Variants in CPZ observed in about 807,000 individuals in gnomAD.
The protein encoded by CPZ is VEZT/CPZ fusion.
Under a neutral mutation model 61.8 loss-of-function variants are expected in CPZ, and 103 were observed. The ratio of observed to expected loss-of-function variants is 1.67; its 90% CI spans 1.42 to 1.96. The LOEUF is 1.96. CPZ is among the 30% of genes most tolerant of loss of function. The pLI is 0.00. For missense variants in CPZ, 1,461 were observed against 914.9 expected, an observed-to-expected ratio of 1.60 and a Z score of -7.70; for synonymous variants, 551 against 373.7, an observed-to-expected ratio of 1.47 and a Z score of -5.47.
At chr4:8,611,072 TCATTCATTCGCTCATTCA>T in intron 7 of CPZ, 1 of 361,394 alleles carries the variant, frequency 2.8e-6, no homozygotes, top group Non-Finnish European at 5.9e-6. Context: ...ACTCATTCAC[TCATTCATTCGCTCATTCA>T]CTCACTCACT....
At chr4:8,597,167 A>G (rs1197118963) in intron 1 of CPZ, among the ~76,000 whole-genome samples, 1 of 152,128 alleles carries the variant, frequency 6.6e-6, no homozygotes, top group Non-Finnish European at 1.5e-5. Flanking sequence ...CCCTGCTGCC[A>G]GAGTGGCCCC....
intron 7 of CPZ, among the ~76,000 whole-genome samples, chr4:8,609,276 CACACTAAT>C (rs1715428216): frequency 1.6e-5 from 2 of 123,162 alleles, no homozygotes; most frequent in African/African-American, 3.6e-5. Context: ...TATTCATTCA[CACACTAAT>C]TTTCTCAGTC....
In CPZ at chr4:8,619,520, C is replaced by A. The variant is rs201930593; in HGVS notation, c.1862C>A (p.Ala621Glu). ...GEATEPDPLRARRQPSADGSK... is the reference protein window; with the variant it reads ...GEATEPDPLRERRQPSADGSK... ...GCCACGGAGCCCGACCCGCTCCGGGCGCGCAGGCAGCCCTCGGCCGACGGG... is the reference window on the plus strand; with the variant it reads ...GCCACGGAGCCCGACCCGCTCCGGGAGCGCAGGCAGCCCTCGGCCGACGGG... Residue 621 changes from alanine to glutamate, a missense_variant, in exon 11 of 11, where the codon GCG (alanine) becomes GAG (glutamate). Transcript: ENST00000360986. 2 of 1,594,002 alleles carry A rather than the reference C, an allele frequency of 1.3e-6. No individual in the cohort carries two copies. Among genetic ancestry groups the A allele is most frequent in the Non-Finnish European group, 1.7e-6 (2 of 1,168,672 alleles).
intron 8 of CPZ, among the ~76,000 whole-genome samples, chr4:8,612,708 C>T (rs1715819783): frequency 6.6e-6 from 1 of 152,178 alleles, no homozygotes; most frequent in African/African-American, 2.4e-5. Flanking sequence ...GGGCATATGC[C>T]ACTGTGTGTC....
At chr4:8,609,554 C>A (rs1350780969) in intron 7 of CPZ, among the ~76,000 whole-genome samples, 1 of 140,018 alleles carries the variant, frequency 7.1e-6, no homozygotes, top group African/African-American at 3.3e-5. Context: ...CTGGCCTGGC[C>A]TTGCACCCCT....
chr4:8,610,896 C>T (rs114102415), intron 7 of CPZ, among the ~76,000 whole-genome samples: 1,694 of 152,306 alleles, frequency 0.011, 30 homozygotes, highest in African/African-American at 0.039. Flanking sequence ...TCACCAACCC[C>T]AAACCTCACG....
At position 8,612,018 on chromosome 4, in the gene CPZ, C is replaced by G. The variant is rs749219900; in HGVS notation, c.1228-9C>G. Reference sequence around the variant, plus strand: ...CCCTTTCCTTATCTGAGCCAGGTTTCTTTTCCAGATGTTCAAGCTGCTGTC... The same window carrying G: ...CCCTTTCCTTATCTGAGCCAGGTTTGTTTTCCAGATGTTCAAGCTGCTGTC... On this transcript the variant is annotated splice_polypyrimidine_tract_variant and intron_variant, in intron 7 of 10. Transcript: ENST00000360986. 2.3e-5 allele frequency: 37 copies of G among 1,613,922 alleles called. No homozygotes were observed. The highest frequency in any genetic ancestry group is 1.7e-4 in the Middle Eastern group (1 of 6,058).
chr4:8,618,322 C>A (rs892448135), intron 9 of CPZ, 107 bp from the exon 10 acceptor site: 2 of 1,032,522 alleles, frequency 1.9e-6, no homozygotes, highest in East Asian at 2.4e-5. Flanking sequence ...TGGGGTAGTT[C>A]CCCCTAGATA....
intron 8 of CPZ, among the ~76,000 whole-genome samples, chr4:8,612,378 C>T (rs887948134): frequency 3.9e-5 from 6 of 152,060 alleles, no homozygotes; most frequent in Admixed American, 1.3e-4. Context: ...GACCCAGGCC[C>T]GTGGCTCCTG....
At chr4:8,612,381 G>A (rs1156821325) in intron 8 of CPZ, among the ~76,000 whole-genome samples, 2 of 152,114 alleles carry the variant, frequency 1.3e-5, no homozygotes, top group Non-Finnish European at 2.9e-5. Flanking sequence ...CCAGGCCCGT[G>A]GCTCCTGTAG....
intron 3 of CPZ, among the ~76,000 whole-genome samples, chr4:8,601,782 T>C (rs1714594933): frequency 6.6e-6 from 1 of 152,064 alleles, no homozygotes; most frequent in South Asian, 2.1e-4. Flanking sequence ...TGAGTCCAAG[T>C]GGGGGCAGTG....
In CPZ at chr4:8,601,261, A is replaced by G. The variant is rs774103255; in HGVS notation, c.260A>G (p.Gln87Arg). ...TACATCCTGCTGAGCGTTCTACACC[A>G]GCTCCTGGAAGGCCAGTGCAACCCG... is the stretch of plus-strand genomic sequence containing the variant. ...SEYILLSVLH[Q>R]LLEGQCNPDL... The change falls in exon 3 of 11, where the codon CAG (glutamine) becomes CGG (arginine). Residue 87 changes from glutamine to arginine, a missense_variant. By Grantham distance (43) the Gln-to-Arg change is conservative. Transcript: ENST00000360986. The G allele has an allele frequency of 9.9e-6, 16 of 1,613,550 alleles. No homozygotes were observed. Among genetic ancestry groups the G allele is most frequent in the Admixed American group, 1.7e-5 (1 of 60,016 alleles).
At chr4:8,594,203 G>T (rs1420659378) in intron 1 of CPZ, among the ~76,000 whole-genome samples, 1 of 152,184 alleles carries the variant, frequency 6.6e-6, no homozygotes, top group African/African-American at 2.4e-5. Context: ...TCATCCCCCA[G>T]TCCAGTCTCC....
rs753252225 is a variant in CPZ, at chr4:8,606,847, C to T, written c.1017C>T (p.Arg339=). 1.2e-6 allele frequency: 2 copies of T among 1,613,562 alleles called. No homozygotes were observed. Among genetic ancestry groups the T allele is most frequent in the African/African-American group, 1.3e-5 (1 of 75,054 alleles). Residue 339 remains arginine (R), a synonymous_variant, in exon 6 of 11, where the codon CGC becomes CGT. Transcript: ENST00000360986. ...AGTACTACCGGCTGGCGGAGACCCG[C>T]GGCGCACGCAGCGACCACATCCCCA... ...TSEYYRLAET[R]GARSDHIPIP... is the part of the protein sequence containing the mutation.
chr4:8,615,831 G>A (rs1218479980), intron 9 of CPZ, among the ~76,000 whole-genome samples: 1 of 152,166 alleles, frequency 6.6e-6, no homozygotes, highest in Non-Finnish European at 1.5e-5. Context: ...TAAGAATCGA[G>A]CGAACTCCCT....
chr4:8,596,060 C>CT (rs58072015), intron 1 of CPZ, among the ~76,000 whole-genome samples: 3,267 of 142,090 alleles, frequency 0.023, 98 homozygotes, highest in African/African-American at 0.076. Context: ...ACTGTTGTTG[C>CT]TTTTTTTTTT....
intron 2 of CPZ, 48 bp from the exon 3 acceptor site, chr4:8,601,075 G>A (rs762198763): frequency 6.6e-7 from 1 of 1,523,838 alleles, no homozygotes; most frequent in Non-Finnish European, 8.8e-7. Flanking sequence ...ATGCGTGACG[G>A]TCAGGGCCAC....
chr4:8,614,280 G>C, intron 8 of CPZ, 79 bp from the exon 9 acceptor site: 6 of 1,492,886 alleles, frequency 4.0e-6, no homozygotes, highest in Non-Finnish European at 5.4e-6. Flanking sequence ...GGCTGTCTCT[G>C]TGCGGCTGAC....
intron 1 of CPZ, among the ~76,000 whole-genome samples, chr4:8,594,547 A>G (rs1364519739): frequency 6.6e-6 from 1 of 152,136 alleles, no homozygotes; most frequent in Non-Finnish European, 1.5e-5. Context: ...TGACCCAGGC[A>G]CAGCCACTGG....
Sources: allele counts gnomAD v4.1 joint callset (sites outside exome capture counted in the v4.1 genomes callset), GRCh38; gene constraint gnomAD v4.1.1; transcripts MANE v1.5; gene names NCBI Gene and HGNC (gene_info 2026-07-23, HGNC 2026-07-21).